Variants in SYNDIG1L observed in about 807,000 individuals in gnomAD.
SYNDIG1L encodes synapse differentiation inducing 1 like, also known as synapse differentiation-inducing gene protein 1-like.
Under a neutral mutation model 20.1 loss-of-function variants are expected in SYNDIG1L, and 13 were observed. That is an observed-to-expected ratio of 0.65 (90% CI 0.42 to 1.03). SYNDIG1L has a LOEUF of 1.03. Among genes scored for constraint, SYNDIG1L ranks in the 50% least tolerant of loss-of-function variants. The pLI is 0.00. For synonymous variants in SYNDIG1L, 128 were observed against 129.3 expected, an observed-to-expected ratio of 0.99 and a Z score of 0.07; for missense variants, 294 against 305.1, an observed-to-expected ratio of 0.96 and a Z score of 0.27.
At chr14:74,419,379 C>T (rs1261348473) in intron 1 of SYNDIG1L, among the ~76,000 whole-genome samples, 1 of 152,182 alleles carries the variant, frequency 6.6e-6, no homozygotes, top group Non-Finnish European at 1.5e-5. Context: ...ATACTAGGCA[C>T]TCAATAGACA....
intron 1 of SYNDIG1L, among the ~76,000 whole-genome samples, chr14:74,410,166 T>G (rs1193555208): frequency 2.0e-5 from 3 of 152,188 alleles, no homozygotes; most frequent in Non-Finnish European, 4.4e-5. Context: ...ACTTCCAGTC[T>G]GGTGGAGAAG....
the SYNDIG1L span, among the ~76,000 whole-genome samples, chr14:74,432,180 TGAGA>T: frequency 1.6e-4 from 20 of 124,154 alleles, no homozygotes; most frequent in South Asian, 5.6e-4. Flanking sequence ...TGTGTGTGTG[TGAGA>T]GAGAGAGAGA....
chr14:74,447,909 C>G, the SYNDIG1L span, among the ~76,000 whole-genome samples: 2 of 152,006 alleles, frequency 1.3e-5, no homozygotes, highest in Non-Finnish European at 2.9e-5. Flanking sequence ...TGTTCTTATA[C>G]TCTATGTAAA....
At chr14:74,433,481 T>C in the SYNDIG1L span, among the ~76,000 whole-genome samples, 2 of 152,194 alleles carry the variant, frequency 1.3e-5, no homozygotes, top group Non-Finnish European at 2.9e-5. Flanking sequence ...CCTCCTGGGC[T>C]CAAGTGATTC....
chr14:74,440,360 A>G, the SYNDIG1L span, among the ~76,000 whole-genome samples: 1 of 151,710 alleles, frequency 6.6e-6, no homozygotes, highest in African/African-American at 2.4e-5. Flanking sequence ...CTAAAAATAC[A>G]AAAATTAGCC....
At chr14:74,434,897 C>T in the SYNDIG1L span, among the ~76,000 whole-genome samples, 32 of 137,776 alleles carry the variant, frequency 2.3e-4, no homozygotes. Context: ...CTGGCTAATA[C>T]AGTGAAACCC....
chr14:74,470,397 G>A, the SYNDIG1L span, among the ~76,000 whole-genome samples: 2 of 152,126 alleles, frequency 1.3e-5, no homozygotes, highest in Non-Finnish European at 2.9e-5. Context: ...TGGGGTGGTT[G>A]ACTGGATACA....
the SYNDIG1L span, chr14:74,480,105 T>C: frequency 2.6e-4 from 398 of 1,549,654 alleles, 1 homozygote; most frequent in Non-Finnish European, 3.3e-4. Context: ...AGACAACCAC[T>C]GAGAACCAGC....
rs1201041804 is a variant in SYNDIG1L at position 74,426,055 on chromosome 14, C to A, written c.-201G>T. 2 of 152,058 alleles carry A rather than the reference C, an allele frequency of 1.3e-5. No homozygotes were observed. Among genetic ancestry groups the A allele is most frequent in the Non-Finnish European group, 3.0e-5 (2 of 67,728 alleles). The allele number at this position is 152,058 out of a possible 1,614,324, so 9.4% of individuals were successfully genotyped here. A position where few individuals can be genotyped will look rare whatever the true frequency, so the allele number is the denominator to read the frequency against. On this transcript the variant is annotated 5_prime_UTR_variant, in exon 1 of 4. Transcript: ENST00000331628. ...TCTCGTCCCCGCGTCCCTGAGCAGC[C>A]GCCGCTTCAGCACCGCGGACAGCTC...
At chr14:74,469,407 A>C in the SYNDIG1L span, among the ~76,000 whole-genome samples, 1 of 151,010 alleles carries the variant, frequency 6.6e-6, no homozygotes, top group African/African-American at 2.4e-5. Context: ...CTTTAGGAGA[A>C]ATACCTAATG....
intron 1 of SYNDIG1L, among the ~76,000 whole-genome samples, chr14:74,423,486 T>G (rs2139632087): frequency 6.6e-6 from 1 of 152,280 alleles, no homozygotes; most frequent in Non-Finnish European, 1.5e-5. Flanking sequence ...CACCAACAGC[T>G]GGGAGCCAGA....
At chr14:74,465,933 G>A in the SYNDIG1L span, among the ~76,000 whole-genome samples, 1 of 152,212 alleles carries the variant, frequency 6.6e-6, no homozygotes, top group African/African-American at 2.4e-5. Context: ...CTGGAGTGAG[G>A]TGTCAGACCA....
At chr14:74,436,589 G>A in the SYNDIG1L span, among the ~76,000 whole-genome samples, 85 of 151,768 alleles carry the variant, frequency 5.6e-4, 1 homozygote, top group African/African-American at 1.9e-3. Context: ...TGGCTCACAC[G>A]TGTAATCCCA....
the SYNDIG1L span, among the ~76,000 whole-genome samples, chr14:74,445,247 A>G: frequency 6.6e-6 from 1 of 152,172 alleles, no homozygotes; most frequent in Non-Finnish European, 1.5e-5. Flanking sequence ...CCCTCACCAG[A>G]AGCAGATGCC....
the SYNDIG1L span, among the ~76,000 whole-genome samples, chr14:74,452,200 T>G: frequency 0.58 from 87,634 of 151,858 alleles, 26,360 homozygotes; most frequent in African/African-American, 0.76. Flanking sequence ...CTCCTAAAAT[T>G]ATTAAAATTA....
At chr14:74,479,504 GA>G in the SYNDIG1L span, 1 of 152,552 alleles carries the variant, frequency 6.6e-6, no homozygotes, top group Non-Finnish European at 1.5e-5. Context: ...TTTAAGATAG[GA>G]AACTCCAAGA....
In SYNDIG1L at chr14:74,408,004, A is replaced by G. The variant is rs2884545; in HGVS notation, c.418-15T>C. ...GTGGCATCGCTCTGCAAAACAGTGG[A>G]GTTTGGTGACCAGGCCCAGGATCAG... On this transcript the variant is annotated splice_polypyrimidine_tract_variant and intron_variant, in intron 2 of 3. Transcript: ENST00000331628. The G allele has an allele frequency of 0.5, 795,000 of 1,596,220 alleles. 199,454 individuals carry two copies. The highest frequency in any genetic ancestry group is 0.51 in the Non-Finnish European group (601,494 of 1,171,622).
At chr14:74,448,990 C>T in the SYNDIG1L span, among the ~76,000 whole-genome samples, 6 of 152,034 alleles carry the variant, frequency 3.9e-5, no homozygotes, top group East Asian at 7.8e-4. Context: ...CCAACACTTT[C>T]GGAGGCTGAG....
chr14:74,427,136 T>G (rs1262061771), upstream of SYNDIG1L, among the ~76,000 whole-genome samples: 6 of 150,334 alleles, frequency 4.0e-5, no homozygotes, highest in Non-Finnish European at 7.4e-5. Context: ...TTTTTTTTTT[T>G]GCATGGGGAT....
Sources: allele counts gnomAD v4.1 joint callset (sites outside exome capture counted in the v4.1 genomes callset), GRCh38; gene constraint gnomAD v4.1.1; transcripts MANE v1.5; gene names NCBI Gene and HGNC (gene_info 2026-07-23, HGNC 2026-07-21).